CRYBG2: variants seen among roughly 807,000 people sequenced by gnomAD.
CRYBG2 encodes beta/gamma crystallin domain-containing protein 2.
Under a neutral mutation model 153.4 loss-of-function variants are expected in CRYBG2, and 106 were observed. That is an observed-to-expected ratio of 0.69 (90% CI 0.59 to 0.81). The LOEUF is 0.81. Among genes scored for constraint, CRYBG2 ranks in the 30% least tolerant of loss-of-function variants. The probability of loss-of-function intolerance (pLI) is 0.00; values close to 1 mark genes in which losing one functional copy is unlikely to be tolerated. For missense variants in CRYBG2, 1,996 were observed against 2,112.0 expected (o/e 0.95, Z 1.08); for synonymous variants, 851 against 877.8 (o/e 0.97, Z 0.54).
rs913363407 is a variant in CRYBG2 at position 26,344,057 on chromosome 1, C to T, written c.2601G>A (p.Gln867=). ...TCATCTCCAGAGGAGAGCAGGAGAC[C>T]TGGGTGGGTCTGGCAGGGTGGAGGT... ...SRDLHPARPT[Q]VSCSPLEMMK... is the part of the protein sequence containing the mutation. Residue 867 remains glutamine, a synonymous_variant, in exon 2 of 20, where the codon CAG becomes CAA. Coordinates refer to ENST00000308182, the MANE Select transcript of CRYBG2 (RefSeq NM_001039775.4). 3 of 1,536,156 alleles carry T rather than the reference C, an allele frequency of 2.0e-6. No individual in the cohort carries two copies. Among genetic ancestry groups the T allele is most frequent in the Non-Finnish European group, 2.6e-6 (3 of 1,146,900 alleles).
At chr1:26,338,750 C>T (rs534773451) in intron 6 of CRYBG2, among the ~76,000 whole-genome samples, 22 of 152,260 alleles carry the variant, frequency 1.4e-4, no homozygotes, top group African/African-American at 4.6e-4. Flanking sequence ...CAATAAAGCC[C>T]GGCTATGCAA....
Position 26,321,909 on chromosome 1 carries a change from C to T in CRYBG2, c.*59G>A. Reference sequence around the variant, plus strand: ...AAATAGCTTATGTTACAACAAAAACCCTATAAAAACATTCATCCCAGCAAA... The same window carrying T: ...AAATAGCTTATGTTACAACAAAAACTCTATAAAAACATTCATCCCAGCAAA... On this transcript the variant is annotated 3_prime_UTR_variant, in exon 20 of 20. Coordinates refer to ENST00000308182, the MANE Select transcript of CRYBG2 (RefSeq NM_001039775.4). 1 of 1,389,568 alleles carries T rather than the reference C, an allele frequency of 7.2e-7. No homozygotes were observed. Among genetic ancestry groups the T allele is most frequent in the African/African-American group, 1.5e-5 (1 of 68,482 alleles). 86.1% of individuals were successfully genotyped at this position (1,389,568 alleles called of 1,614,324 possible).
rs2074152110 is a variant in CRYBG2 at position 26,343,075 on chromosome 1, CG to C, written c.3045del (p.Val1016Ter). On this transcript the variant is annotated frameshift_variant, in exon 4 of 20. Coordinates refer to ENST00000308182, the MANE Select transcript of CRYBG2 (RefSeq NM_001039775.4). LOFTEE classifies it high-confidence loss of function. The surrounding 1 kb of genome is among the most constrained non-coding windows in gnomAD (Gnocchi z 4.1). ...GDIVDASGWA[P>X]VASIRVVRGC... The stretch of plus-strand genomic sequence containing the variant: ...CCTCGAACTACCCTTATGGAGGCTA[CG>C]GGGGCCCAGCCTGAGGCATCAACGA... 6.5e-7 allele frequency: 1 copy of C among 1,550,292 alleles called. No homozygotes were observed.
In CRYBG2 at chr1:26,336,931, C is replaced by T. The variant is rs755919191; in HGVS notation, c.3821G>A (p.Gly1274Glu). The T allele has an allele frequency of 1.2e-6, 2 of 1,613,276 alleles. No individual in the cohort carries two copies. The highest frequency in any genetic ancestry group is 2.2e-5 in the South Asian group (2 of 90,866). The change falls in exon 11 of 20, where the codon GGG becomes GAG. Residue 1274 changes from glycine (G) to glutamate (E), a missense_variant. Gly to Glu is a moderately conservative substitution (Grantham distance 98, BLOSUM62 -2). Transcript: ENST00000308182. The surrounding 1 kb of genome is among the most constrained non-coding windows in gnomAD (Gnocchi z 4.9). ...VVLFEAMDFE[G>E]HGVEVSKALP... Reference sequence around the variant, plus strand: ...TGCCTTGCTCACCTCCACGCCGTGCCCCTCGAAGTCCATGGCCTCAAATAG... The same window carrying T: ...TGCCTTGCTCACCTCCACGCCGTGCTCCTCGAAGTCCATGGCCTCAAATAG...
At position 26,348,839 on chromosome 1, in the gene CRYBG2, A is replaced by G. The variant is rs527558026; in HGVS notation, c.-55-2127T>C. On this transcript the variant is annotated intron_variant, in intron 1 of 19. Transcript: ENST00000308182. The stretch of plus-strand genomic sequence containing the variant: ...CCAAAGTGCTGGGATTATAGACGTG[A>G]GCCACTGCGCCCGGCCTAAAAAAAG... Among the ~76,000 whole-genome samples the G allele has an allele frequency of 4.2e-4, 61 of 146,910 alleles. 1 individual carries two copies. Among genetic ancestry groups the G allele is most frequent in the Non-Finnish European group, 3.0e-5 (2 of 66,458 alleles).
At position 26,343,503 on chromosome 1, in the gene CRYBG2, C is replaced by T. The variant is rs776696396; in HGVS notation, c.2914-210G>A. ...GGTGCTCATCACCCGCCTTCCTCAG[C>T]TCCCAGGATCTTGGAGCCCCCACAC... is the stretch of plus-strand genomic sequence containing the variant. On this transcript the variant is annotated intron_variant, in intron 2 of 19. Transcript: ENST00000308182. This position sits in a 1 kb window ranked among gnomAD's most constrained non-coding sequence, Gnocchi z 4.1. Among the ~76,000 whole-genome samples the T allele has an allele frequency of 2.6e-4, 39 of 152,326 alleles. No individual in the cohort carries two copies. The highest frequency in any genetic ancestry group is 3.4e-3 in the Middle Eastern group (1 of 294).
Position 26,328,861 on chromosome 1 carries a change from G to A in CRYBG2, c.4327C>T (p.Pro1443Ser), listed in dbSNP as rs749104193. The A allele has an allele frequency of 8.1e-6, 13 of 1,613,966 alleles. No homozygotes were observed. Among genetic ancestry groups the A allele is most frequent in the Non-Finnish European group, 1.0e-5 (12 of 1,180,036 alleles). ...LQKVSLHFSEPSIFLYGLECF... is the reference protein window; with the variant it reads ...LQKVSLHFSESSIFLYGLECF... The stretch of plus-strand genomic sequence containing the variant: ...TCGAGTCCATACAGGAAAATGGAAG[G>A]CTCTGAAAAGTGCTGGGGCCCAGGA... Residue 1443 changes from proline (P) to serine (S), a missense_variant, in exon 16 of 20, where the codon CCT (proline) becomes TCT (serine). Pro to Ser is a moderately conservative substitution (Grantham distance 74). Transcript: ENST00000308182.
Position 26,339,995 on chromosome 1 carries a change from A to T in CRYBG2, c.3205-566T>A, listed in dbSNP as rs76298127. On this transcript the variant is annotated intron_variant, in intron 5 of 19. Coordinates refer to ENST00000308182, the MANE Select transcript of CRYBG2 (RefSeq NM_001039775.4). ...TTCCCGGGAGAACCTGCAAAGTGCC[A>T]GGCCCATAGCCTTGCCTCTGGGTAG... is the stretch of plus-strand genomic sequence containing the variant. 2.0e-5 allele frequency among the ~76,000 whole-genome samples: 3 copies of T among 152,352 alleles called. No homozygotes were observed. The East Asian group carries it at 5.8e-4, about 29-fold the overall frequency.
At chr1:26,328,664 A>AG in intron 16 of CRYBG2, 70 bp downstream of exon 16, 1 of 1,534,492 alleles carries the variant, frequency 6.5e-7, no homozygotes, top group South Asian at 1.2e-5. Context: ...AGAGACCCCC[A>AG]GGATCTCTGT....
chr1:26,323,052 G>T (rs2124688634), intron 18 of CRYBG2, among the ~76,000 whole-genome samples: 1 of 150,784 alleles, frequency 6.6e-6, no homozygotes, highest in Middle Eastern at 3.5e-3. Context: ...CTTCGGAAAG[G>T]CTCCCCTACC....
intron 5 of CRYBG2, among the ~76,000 whole-genome samples, chr1:26,342,201 T>G (rs1191461136): frequency 1.3e-5 from 2 of 152,174 alleles, no homozygotes; most frequent in African/African-American, 4.8e-5. Context: ...TCTGCTGCTC[T>G]GTCCCCTTCC....
chr1:26,337,493 A>G (rs1361810937), intron 9 of CRYBG2, 45 bp downstream of exon 9: 2 of 1,606,780 alleles, frequency 1.2e-6, no homozygotes, highest in Non-Finnish European at 1.7e-6. Context: ...CCCAAGGGTA[A>G]AGGCCAGAGG....
intron 15 of CRYBG2, among the ~76,000 whole-genome samples, chr1:26,329,337 C>T (rs190087974): frequency 1.3e-5 from 2 of 152,068 alleles, no homozygotes; most frequent in Non-Finnish European, 2.9e-5. Flanking sequence ...CCACCATCCC[C>T]GGCTAATTTT....
chr1:26,327,565 C>T (rs1353369285), intron 17 of CRYBG2, among the ~76,000 whole-genome samples: 1 of 151,852 alleles, frequency 6.6e-6, no homozygotes, highest in African/African-American at 2.4e-5. Flanking sequence ...AGGAGAATCA[C>T]TTGAATCTGG....
chr1:26,326,296 G>C (rs920069767), intron 17 of CRYBG2, among the ~76,000 whole-genome samples: 6 of 152,230 alleles, frequency 3.9e-5, no homozygotes, highest in African/African-American at 1.4e-4. Flanking sequence ...CCAGCACTTT[G>C]GGAGGCTGAG....
intron 17 of CRYBG2, chr1:26,326,941 T>A (rs1047655841): frequency 1.6e-5 from 8 of 489,494 alleles, no homozygotes; most frequent in African/African-American, 9.8e-5. Flanking sequence ...GTATGCTAAA[T>A]GTGTTCGTGG....
chr1:26,336,366 C>G lies in CRYBG2; in HGVS notation c.4043G>C (p.Gly1348Ala). ...LASLQPVLQV[G>A]EHDLHFVSKI... ...TGAGACGAAGTGCAGATCGTGCTCC[C>G]CGACCTGAAGGTAGGGACCGAATCG... The change falls in exon 13 of 20, where the codon GGG becomes GCG. Residue 1348 changes from glycine (G) to alanine (A), a missense_variant. Physicochemically the swap from Gly to Ala is moderately conservative, Grantham distance 60. Coordinates refer to ENST00000308182, the MANE Select transcript of CRYBG2 (RefSeq NM_001039775.4). The surrounding 1 kb of genome is among the most constrained non-coding windows in gnomAD (Gnocchi z 4.9). The G allele has an allele frequency of 1.2e-6, 2 of 1,613,428 alleles. No homozygotes were observed. The highest frequency in any genetic ancestry group is 2.2e-5 in the South Asian group (2 of 90,864).
rs780559981 is a variant in CRYBG2 at position 26,345,710 on chromosome 1, G to C, written c.948C>G (p.Asp316Glu). The change falls in exon 2 of 20, where the codon GAC becomes GAG. Residue 316 changes from aspartate (D) to glutamate (E), a missense_variant. Asp to Glu is a conservative substitution (Grantham distance 45). Transcript: ENST00000308182. Reference protein sequence around the residue: ...QDAPAACPDRDQGRAPDARAC... With the variant: ...QDAPAACPDREQGRAPDARAC... ...CCCTGGCATCCGGGGCTCTGCCCTGGTCTCTGTCCGGACAGGCTGCAGGGG... is the reference window on the plus strand; with the variant it reads ...CCCTGGCATCCGGGGCTCTGCCCTGCTCTCTGTCCGGACAGGCTGCAGGGG... 1 of 1,597,798 alleles carries C rather than the reference G, an allele frequency of 6.3e-7. No individual in the cohort carries two copies. Among genetic ancestry groups the C allele is most frequent in the Non-Finnish European group, 8.5e-7 (1 of 1,179,332 alleles).
At chr1:26,334,585 C>T (rs564788428) in intron 14 of CRYBG2, among the ~76,000 whole-genome samples, 6 of 152,064 alleles carry the variant, frequency 3.9e-5, no homozygotes, top group Non-Finnish European at 7.4e-5. Context: ...GTAATTTGAA[C>T]GAATATATAA....
Sources: gnomAD v4.1 joint callset for allele counts (sites outside exome capture counted in the v4.1 genomes callset) on GRCh38, gnomAD v4.1.1 for gene constraint, Gnocchi (gnomAD v3.1) non-coding constraint, MANE v1.5 for transcripts, NCBI Gene and HGNC (gene_info 2026-07-23, HGNC 2026-07-21) for gene names.